Variants in OGFOD1 observed in about 807,000 individuals in gnomAD.
OGFOD1 encodes 2-oxoglutarate and iron dependent oxygenase domain containing 1.
In OGFOD1, 54 loss-of-function variants were observed where a neutral mutation model predicts 67.7. The ratio of observed to expected loss-of-function variants is 0.80; its 90% CI spans 0.64 to 1.00. OGFOD1 has a LOEUF of 1.00. Among genes scored for constraint, OGFOD1 ranks in the 50% least tolerant of loss-of-function variants. The probability of loss-of-function intolerance (pLI) is 0.00; values close to 1 mark genes in which losing one functional copy is unlikely to be tolerated. For missense variants in OGFOD1, 606 were observed against 646.7 expected, an observed-to-expected ratio of 0.94 and a Z score of 0.68; for synonymous variants, 221 against 227.0, an observed-to-expected ratio of 0.97 and a Z score of 0.24.
intron 2 of OGFOD1, 149 bp downstream of exon 2, chr16:56,453,557 C>G (rs987883212): frequency 2.9e-6 from 2 of 682,206 alleles, no homozygotes; most frequent in Non-Finnish European, 4.9e-6. Context: ...TTCATTTAAC[C>G]AAGCTTACTG....
intron 11 of OGFOD1, among the ~76,000 whole-genome samples, chr16:56,475,227 T>C (rs1355323575): frequency 6.6e-6 from 1 of 152,180 alleles, no homozygotes; most frequent in African/African-American, 2.4e-5. Flanking sequence ...TAATTGCCCT[T>C]CTGGGAATAT....
rs1405769910 is a variant in OGFOD1, at chr16:56,463,670, C to G, written c.448+1036C>G. 3.3e-5 allele frequency among the ~76,000 whole-genome samples: 5 copies of G among 151,418 alleles called. No homozygotes were observed. The East Asian group carries it at 9.6e-4, about 29-fold the overall frequency. ...CTCCTGACCTCAAGTGATCCGCCTG[C>G]CTTTGCCTCCCAAAATAGTGGGATT... On this transcript the variant is annotated intron_variant, in intron 4 of 12. Transcript: ENST00000566157.
chr16:56,475,499 C>T lies in OGFOD1; in HGVS notation c.1409-8C>T. 1 of 1,613,698 alleles carries T rather than the reference C, an allele frequency of 6.2e-7. No homozygotes were observed. Among genetic ancestry groups the T allele is most frequent in the Non-Finnish European group, 8.5e-7 (1 of 1,179,688 alleles). On this transcript the variant is annotated splice_region_variant and splice_polypyrimidine_tract_variant and intron_variant, in intron 11 of 12. Transcript: ENST00000566157. ...CTTTCTGAATGCTGTTTGTTTTTCT[C>T]TTGTAAGGCTGGGAGCCAGAATATG...
intron 8 of OGFOD1, among the ~76,000 whole-genome samples, chr16:56,469,549 T>C (rs1279669996): frequency 3.3e-5 from 5 of 152,022 alleles, no homozygotes; most frequent in Admixed American, 3.3e-4. Flanking sequence ...GAGTAGGGGA[T>C]CTTGTATGAA....
chr16:56,476,324 C>T lies in OGFOD1; in HGVS notation c.*119C>T, dbSNP rs778999335. The T allele has an allele frequency of 3.2e-6, 3 of 927,016 alleles. No homozygotes were observed. Among genetic ancestry groups the T allele is most frequent in the Non-Finnish European group, 4.8e-6 (3 of 630,892 alleles). 57.4% of individuals were successfully genotyped at this position (927,016 alleles called of 1,614,324 possible). A position where few individuals can be genotyped will look rare whatever the true frequency, so the allele number is the denominator to read the frequency against. ...AGCTTGCCTGACAGTGTTCTTAAAA[C>T]TGGTTGTCTTTTACTAGGACTCATA... On this transcript the variant is annotated 3_prime_UTR_variant, in exon 13 of 13. Transcript: ENST00000566157.
Position 56,466,937 on chromosome 16 carries a change from C to A in OGFOD1, c.627C>A (p.Phe209Leu). 6.2e-7 allele frequency: 1 copy of A among 1,613,448 alleles called. No homozygotes were observed. Among genetic ancestry groups the A allele is most frequent in the Non-Finnish European group, 8.5e-7 (1 of 1,179,384 alleles). ...SLIPSWNKLV[F>L]FEVSPVSFHQ... Reference sequence around the variant, plus strand: ...TCCCTTCGTGGAACAAACTGGTTTTCTTTGAAGTATCTCCTGTGTCCTTTC... The same window carrying A: ...TCCCTTCGTGGAACAAACTGGTTTTATTTGAAGTATCTCCTGTGTCCTTTC... Residue 209 changes from phenylalanine (F) to leucine (L), a missense_variant, in exon 6 of 13, where the codon TTC becomes TTA. Coordinates refer to ENST00000566157, the MANE Select transcript of OGFOD1 (RefSeq NM_018233.4).
chr16:56,461,396 C>A (rs573305571), intron 3 of OGFOD1, among the ~76,000 whole-genome samples: 6 of 152,222 alleles, frequency 3.9e-5, no homozygotes, highest in Non-Finnish European at 7.3e-5. Flanking sequence ...CACACCCCTT[C>A]CCCATACCTC....
Position 56,467,946 on chromosome 16 carries a change from C to A in OGFOD1, c.828C>A (p.Asp276Glu). 6.2e-7 allele frequency: 1 copy of A among 1,608,628 alleles called. No homozygotes were observed. The highest frequency in any genetic ancestry group is 8.5e-7 in the Non-Finnish European group (1 of 1,175,052). ...ATTGGATCAACCCTACTTATCTGGA[C>A]ATGGATTACCAAGTTCAAATTCAAG... ...LYDWINPTYLDMDYQVQIQEE... is the reference protein window; with the variant it reads ...LYDWINPTYLEMDYQVQIQEE... Residue 276 changes from aspartate (D) to glutamate (E), a missense_variant, in exon 8 of 13, where the codon GAC becomes GAA. Coordinates refer to ENST00000566157, the MANE Select transcript of OGFOD1 (RefSeq NM_018233.4).
chr16:56,466,368 C>CTTTG, intron 5 of OGFOD1, 100 bp downstream of exon 5: 1 of 722,206 alleles, frequency 1.4e-6, no homozygotes, highest in Non-Finnish European at 2.4e-6. Context: ...TGTCTGTACT[C>CTTTG]CTCAAAGGAA....
intron 3 of OGFOD1, among the ~76,000 whole-genome samples, chr16:56,460,091 A>G (rs1389151850): frequency 3.3e-5 from 5 of 152,192 alleles, no homozygotes; most frequent in African/African-American, 1.2e-4. Context: ...ATTGTAATGC[A>G]TTATGTTTCA....
chr16:56,474,122 A>G (rs1013498669), intron 10 of OGFOD1, among the ~76,000 whole-genome samples: 2 of 152,010 alleles, frequency 1.3e-5, no homozygotes, highest in South Asian at 4.1e-4. Context: ...TTTGTTCAGC[A>G]TGGTTTAAAT....
At position 56,476,294 on chromosome 16, in the gene OGFOD1, A is replaced by G. The variant is rs1314011678; in HGVS notation, c.*89A>G. 4.6e-5 allele frequency: 57 copies of G among 1,250,242 alleles called. No homozygotes were observed. In the South Asian group the frequency reaches 5.5e-4, roughly 12 times the overall value. 77.4% of individuals were successfully genotyped at this position (1,250,242 alleles called of 1,614,324 possible). On this transcript the variant is annotated 3_prime_UTR_variant, in exon 13 of 13. Transcript: ENST00000566157. ...TAAGCATGGAGTCAAGGAGAACTAC[A>G]TGGTAGCTTGCCTGACAGTGTTCTT...
In OGFOD1 at chr16:56,477,860, TCA is replaced by T. The variant is rs1281085596; in HGVS notation, c.*1656_*1657del. 1 of 152,364 alleles carries T rather than the reference TCA, an allele frequency of 6.6e-6. No homozygotes were observed. Among genetic ancestry groups the T allele is most frequent in the East Asian group, 1.9e-4 (1 of 5,184 alleles). The allele number at this position is 152,364 out of a possible 1,614,324, so 9.4% of individuals were successfully genotyped here. ...TTCATCTCCTAAAACTTTTGAGTAT[TCA>T]TTCTTTTCTGAAGTTTGCATTTAAA... is the stretch of plus-strand genomic sequence containing the variant. On this transcript the variant is annotated 3_prime_UTR_variant, in exon 13 of 13. Transcript: ENST00000566157.
rs1963545439 is a variant in OGFOD1 at position 56,477,769 on chromosome 16, T to C, written c.*1564T>C. 1 of 152,236 alleles carries C rather than the reference T, an allele frequency of 6.6e-6. No individual in the cohort carries two copies. The highest frequency in any genetic ancestry group is 2.4e-5 in the African/African-American group (1 of 41,452). The allele number at this position is 152,236 out of a possible 1,614,324, so 9.4% of individuals were successfully genotyped here. ...TATTTTTAGCTTTTGCAGTAGTGTTTAGTGTGGGTTTTACTAATTAATAGA... is the reference window on the plus strand; with the variant it reads ...TATTTTTAGCTTTTGCAGTAGTGTTCAGTGTGGGTTTTACTAATTAATAGA... On this transcript the variant is annotated 3_prime_UTR_variant, in exon 13 of 13. Transcript: ENST00000566157.
intron 8 of OGFOD1, 68 bp downstream of exon 8, chr16:56,468,086 T>G: frequency 1.3e-6 from 1 of 765,656 alleles, no homozygotes; most frequent in South Asian, 1.5e-5. Flanking sequence ...AATGGGTGAA[T>G]AGGCATCACT....
Position 56,451,650 on chromosome 16 carries a change from G to C in OGFOD1, c.38G>C (p.Arg13Pro), listed in dbSNP as rs771089014. ...CGGCCAGCGGAGCCCGGCCCAGCCC[G>C]GGTGGGAAAAAAGGGAAAGAAGGAG... ...GKRPAEPGPA[R>P]VGKKGKKEVM... The change falls in exon 1 of 13, where the codon CGG (arginine) becomes CCG (proline). Residue 13 changes from arginine to proline, a missense_variant. Coordinates refer to ENST00000566157, the MANE Select transcript of OGFOD1 (RefSeq NM_018233.4). The C allele has an allele frequency of 1.7e-5, 27 of 1,613,824 alleles. No homozygotes were observed. The highest frequency in any genetic ancestry group is 1.6e-4 in the Middle Eastern group (1 of 6,082).
At chr16:56,463,942 A>G (rs1347120869) in intron 4 of OGFOD1, among the ~76,000 whole-genome samples, 2 of 152,116 alleles carry the variant, frequency 1.3e-5, no homozygotes, top group East Asian at 1.9e-4. Context: ...TTCCACATCA[A>G]TGGATTATCT....
In OGFOD1 at chr16:56,460,986, A is replaced by G. The variant is rs539146548; in HGVS notation, c.348-1548A>G. On this transcript the variant is annotated intron_variant, in intron 3 of 12. Transcript: ENST00000566157. ...TAAATGGAAACGTTCACCATCTTCT[A>G]TTGGTATCCTGTTAGCATCAGAACT... Among the ~76,000 whole-genome samples the G allele has an allele frequency of 6.6e-5, 10 of 152,330 alleles. No homozygotes were observed. In the South Asian group the frequency reaches 1.9e-3, roughly 28 times the overall value.
rs1286802240 is a variant in OGFOD1 at position 56,476,365 on chromosome 16, C to G, written c.*160C>G. The G allele has an allele frequency of 7.5e-6, 4 of 535,394 alleles. No homozygotes were observed. The highest frequency in any genetic ancestry group is 1.2e-5 in the Non-Finnish European group (4 of 323,706). 33.2% of individuals were successfully genotyped at this position (535,394 alleles called of 1,614,324 possible). On this transcript the variant is annotated 3_prime_UTR_variant, in exon 13 of 13. Transcript: ENST00000566157. ...AGGACTCATAATGATTGTCCTCAACCGAGACCTTGAGCTTGCAGCTAAGTA... is the reference window on the plus strand; with the variant it reads ...AGGACTCATAATGATTGTCCTCAACGGAGACCTTGAGCTTGCAGCTAAGTA...
Sources: allele counts gnomAD v4.1 joint callset (sites outside exome capture counted in the v4.1 genomes callset), GRCh38; gene constraint gnomAD v4.1.1; transcripts MANE v1.5; gene names NCBI Gene and HGNC (gene_info 2026-07-23, HGNC 2026-07-21).